Variants in HERC5 observed in about 807,000 individuals in gnomAD.
The protein encoded by HERC5 is HECT and RLD domain containing E3 ubiquitin protein ligase 5.
In HERC5, 99 loss-of-function variants were observed where a neutral mutation model predicts 119.6. The observed-to-expected ratio is 0.83, with a 90% confidence interval of 0.70 to 0.98. The LOEUF (loss-of-function observed/expected upper bound fraction) is 0.98. Among genes scored for constraint, HERC5 ranks in the 50% least tolerant of loss-of-function variants. The probability of loss-of-function intolerance (pLI) is 0.00; values close to 1 mark genes in which losing one functional copy is unlikely to be tolerated. For synonymous variants in HERC5, 478 were observed against 445.9 expected, an observed-to-expected ratio of 1.07 and a Z score of -0.91; for missense variants, 1,267 against 1,241.3, an observed-to-expected ratio of 1.02 and a Z score of -0.31.
intron 1 of HERC5, among the ~76,000 whole-genome samples, chr4:88,458,832 C>T (rs867715466): frequency 7.9e-5 from 12 of 152,156 alleles, no homozygotes; most frequent in African/African-American, 2.2e-4. Context: ...TCAACAGCAT[C>T]CTCTTTAAAG....
intron 14 of HERC5, among the ~76,000 whole-genome samples, chr4:88,486,635 T>G (rs1252202565): frequency 2.0e-5 from 3 of 152,204 alleles, no homozygotes; most frequent in African/African-American, 7.2e-5. Context: ...GCTGCCAAGG[T>G]AGCAGTTGAC....
chr4:88,498,518 T>C (rs1037304016), intron 18 of HERC5, among the ~76,000 whole-genome samples: 1 of 152,224 alleles, frequency 6.6e-6, no homozygotes, highest in African/African-American at 2.4e-5. Flanking sequence ...ATTTCTGTTA[T>C]TCCCTTTTGA....
At chr4:88,464,841 G>T (rs1185210570) in intron 6 of HERC5, among the ~76,000 whole-genome samples, 1 of 152,160 alleles carries the variant, frequency 6.6e-6, no homozygotes, top group Non-Finnish European at 1.5e-5. Context: ...CGCAATCTCG[G>T]CTCACTGCAA....
intron 7 of HERC5, among the ~76,000 whole-genome samples, 197 bp downstream of exon 7, chr4:88,467,401 C>T (rs1740709636): frequency 6.6e-6 from 1 of 152,176 alleles, no homozygotes; most frequent in Admixed American, 6.5e-5. Context: ...TATATTACTC[C>T]TTCAGATTAG....
At chr4:88,478,057 T>C (rs968592808) in intron 12 of HERC5, among the ~76,000 whole-genome samples, 1 of 152,228 alleles carries the variant, frequency 6.6e-6, no homozygotes, top group African/African-American at 2.4e-5. Flanking sequence ...TTTGTAGTTG[T>C]ATTAACTGTA....
At chr4:88,490,715 G>A (rs1578062474) in intron 16 of HERC5, among the ~76,000 whole-genome samples, 1 of 152,028 alleles carries the variant, frequency 6.6e-6, no homozygotes, top group East Asian at 1.9e-4. Flanking sequence ...GTGGTGGCGG[G>A]CGCCTGTAAT....
chr4:88,475,538 C>T (rs898931121), intron 11 of HERC5, among the ~76,000 whole-genome samples: 2 of 151,946 alleles, frequency 1.3e-5, no homozygotes, highest in Admixed American at 6.6e-5. Flanking sequence ...AAGATGGTCA[C>T]GATCTCCTGA....
chr4:88,494,724 A>G (rs955019231), intron 18 of HERC5, among the ~76,000 whole-genome samples: 1 of 152,250 alleles, frequency 6.6e-6, no homozygotes, highest in African/African-American at 2.4e-5. Context: ...GGCAACAGTA[A>G]AAGGGTTTTC....
chr4:88,481,800 A>G (rs1053900926), intron 13 of HERC5, among the ~76,000 whole-genome samples: 15 of 152,218 alleles, frequency 9.9e-5, no homozygotes, highest in African/African-American at 3.6e-4. Flanking sequence ...GGGCTAGATT[A>G]GGTCTGCAAA....
At chr4:88,479,156 G>A (rs765251764) in intron 12 of HERC5, among the ~76,000 whole-genome samples, 197 bp from the exon 13 acceptor site, 4 of 151,860 alleles carry the variant, frequency 2.6e-5, no homozygotes, top group African/African-American at 4.8e-5. Context: ...ATGGTGGTAG[G>A]CGCCTGTAAT....
At chr4:88,462,024 C>A in intron 3 of HERC5, 111 bp from the exon 4 acceptor site, 2 of 892,516 alleles carry the variant, frequency 2.2e-6, no homozygotes, top group Non-Finnish European at 3.5e-6. Flanking sequence ...ACCATCAGTG[C>A]AAAGGTACAA....
At position 88,470,650 on chromosome 4, in the gene HERC5, A is replaced by T. The variant is rs749867961; in HGVS notation, c.1275A>T (p.Leu425=). The T allele has an allele frequency of 1.3e-6, 2 of 1,506,950 alleles. No individual in the cohort carries two copies. Among genetic ancestry groups the T allele is most frequent in the Non-Finnish European group, 1.8e-6 (2 of 1,088,296 alleles). The allele number at this position is 1,506,950 out of a possible 1,614,324, so 93.3% of individuals were successfully genotyped here. Reference sequence around the variant, plus strand: ...AGATATTTTCATCTCCTGCTTGTCTAACTGGAAGTTTTTTAAGGAAAAGGT... The same window carrying T: ...AGATATTTTCATCTCCTGCTTGTCTTACTGGAAGTTTTTTAAGGAAAAGGT... ...IQEIFSSPAC[L]TGSFLRKRRT... is the part of the protein sequence containing the mutation. Residue 425 remains leucine, a synonymous_variant, in exon 10 of 23, where the codon CTA becomes CTT. Transcript: ENST00000264350.
At chr4:88,457,635 G>A (rs1327278231) in intron 1 of HERC5, 101 bp downstream of exon 1, 2 of 1,151,664 alleles carry the variant, frequency 1.7e-6, no homozygotes, top group East Asian at 6.4e-5. Flanking sequence ...AGGGAGGAGA[G>A]CCCAGAAGGC....
chr4:88,485,151 T>C (rs889086439), intron 13 of HERC5, among the ~76,000 whole-genome samples: 1 of 152,290 alleles, frequency 6.6e-6, no homozygotes. Flanking sequence ...CTTTTGCCAC[T>C]TACAAGGAGA....
chr4:88,498,478 G>T (rs1215565894), intron 18 of HERC5, among the ~76,000 whole-genome samples: 1 of 152,160 alleles, frequency 6.6e-6, no homozygotes, highest in African/African-American at 2.4e-5. Flanking sequence ...TTGAGTTTTG[G>T]ACTTAGTTGG....
Position 88,494,201 on chromosome 4 carries a change from G to A in HERC5, c.2314G>A (p.Val772Ile). ...GAAGAAAAGATACTTCTTTTTTGGGGTTCTATGTGGACTTTCCCTGTTCAA... is the reference window on the plus strand; with the variant it reads ...GAAGAAAAGATACTTCTTTTTTGGGATTCTATGTGGACTTTCCCTGTTCAA... ...FEKKRYFFFG[V>I]LCGLSLFNCN... is the part of the protein sequence containing the mutation. Residue 772 changes from valine (V) to isoleucine (I), a missense_variant, in exon 18 of 23, where the codon GTT (valine) becomes ATT (isoleucine). By Grantham distance (29) the Val-to-Ile change is conservative. Around this residue, in one of 3 missense-constraint regions of HERC5, gnomAD observed 473 missense variants for 445.7 expected, o/e 1.06. Coordinates refer to ENST00000264350, the MANE Select transcript of HERC5 (RefSeq NM_016323.4). 2 of 1,609,762 alleles carry A rather than the reference G, an allele frequency of 1.2e-6. No homozygotes were observed. Among genetic ancestry groups the A allele is most frequent in the South Asian group, 1.1e-5 (1 of 89,962 alleles).
At chr4:88,497,274 GT>G (rs1741825627) in intron 18 of HERC5, among the ~76,000 whole-genome samples, 1 of 152,204 alleles carries the variant, frequency 6.6e-6, no homozygotes, top group Admixed American at 6.5e-5. Context: ...CTATAGAGCA[GT>G]TCTGGCAAGG....
At position 88,506,094 on chromosome 4, in the gene HERC5, C is replaced by T. The variant is rs910248447; in HGVS notation, c.*216C>T. The T allele has an allele frequency of 1.9e-6, 1 of 536,048 alleles. No homozygotes were observed. The highest frequency in any genetic ancestry group is 3.5e-5 in the Admixed American group (1 of 28,396). The allele number at this position is 536,048 out of a possible 1,614,324, so 33.2% of individuals were successfully genotyped here. On this transcript the variant is annotated 3_prime_UTR_variant, in exon 23 of 23. Transcript: ENST00000264350. ...ACTGTATTCTCTCCCTTGGATACCC[C>T]TATGCCTACATCATATTCCTTACCT...
chr4:88,498,066 T>C (rs1486621856), intron 18 of HERC5, among the ~76,000 whole-genome samples: 2 of 152,104 alleles, frequency 1.3e-5, no homozygotes, highest in Non-Finnish European at 2.9e-5. Context: ...GGCTGTGCCA[T>C]CTCTGCTGGC....
Sources: gnomAD v4.1 joint callset for allele counts (sites outside exome capture counted in the v4.1 genomes callset) on GRCh38, gnomAD v4.1.1 for gene constraint, gnomAD v4.1.1 regional missense constraint, MANE v1.5 for transcripts, NCBI Gene and HGNC (gene_info 2026-07-23, HGNC 2026-07-21) for gene names.